The following MORN1 variants were observed in gnomAD, a reference collection of about 807,000 sequenced individuals.
The protein encoded by MORN1 is MORN repeat containing 1.
In MORN1, 67 loss-of-function variants were observed where a neutral mutation model predicts 61.9. The observed-to-expected ratio is 1.08, with a 90% CI of 0.89 to 1.33. MORN1 has a LOEUF of 1.33. MORN1 is among the 40% of genes most tolerant of loss of function. MORN1 has a pLI of 0.00. For synonymous variants in MORN1, 301 were observed against 292.0 expected (o/e 1.03, Z -0.31); for missense variants, 752 against 691.2 (o/e 1.09, Z -0.99).
At chr1:2,374,891 T>C (rs1028866372) in intron 6 of MORN1, 9 of 256,766 alleles carry the variant, frequency 3.5e-5, no homozygotes, top group Middle Eastern at 1.3e-3. Flanking sequence ...TACAAAGATA[T>C]TGTGTTTGTG....
chr1:2,348,700 C>T (rs35941092), intron 10 of MORN1, among the ~76,000 whole-genome samples: 38,819 of 119,926 alleles, frequency 0.32, 5,977 homozygotes, highest in South Asian at 0.45. Context: ...CACACACGCA[C>T]GCACACGCAC....
intron 10 of MORN1, among the ~76,000 whole-genome samples, chr1:2,347,909 G>A (rs1422851309): frequency 1.3e-5 from 2 of 152,232 alleles, no homozygotes; most frequent in East Asian, 1.9e-4. Context: ...AAAGTCCGCT[G>A]CTGAATTTGC....
rs1180631626 is a variant in MORN1 at position 2,337,416 on chromosome 1, TG to T, written c.1037-567del. On this transcript the variant is annotated intron_variant, in intron 10 of 13. Transcript: ENST00000378531. The surrounding 1 kb of genome is among the most constrained non-coding windows in gnomAD (Gnocchi z 5.7). ...GGTCCTCGGGCATCAGAGGCGGGTGTGGGCGGGCTCAGCCTGTGCATCCCTC... is the reference window on the plus strand; with the variant it reads ...GGTCCTCGGGCATCAGAGGCGGGTGTGGCGGGCTCAGCCTGTGCATCCCTC... 6.6e-6 allele frequency among the ~76,000 whole-genome samples: 1 copy of T among 151,998 alleles called. No homozygotes were observed. Among genetic ancestry groups the T allele is most frequent in the African/African-American group, 2.4e-5 (1 of 41,390 alleles).
chr1:2,350,324 C>T (rs1444739333), intron 10 of MORN1: 2 of 152,164 alleles, frequency 1.3e-5, no homozygotes, highest in Non-Finnish European at 2.9e-5. Flanking sequence ...AACAACTAAA[C>T]AACTGAAATA....
At chr1:2,351,934 G>T in intron 10 of MORN1, 1 of 519,708 alleles carries the variant, frequency 1.9e-6, no homozygotes. Flanking sequence ...CCACCCACGG[G>T]CCCACCAATT....
At chr1:2,325,172 T>TCCTTCCTTCCCTCCCTTCCTTCCCTC (rs1640993180) in intron 12 of MORN1, among the ~76,000 whole-genome samples, 1 of 13,670 alleles carries the variant, frequency 7.3e-5, no homozygotes, top group Non-Finnish European at 1.3e-4. Context: ...TTCCTTCCTT[T>TCCTTCCTTCCCTCCCTTCCTTCCCTC]CCTTCCTTCC....
intron 4 of MORN1, 163 bp downstream of exon 4, chr1:2,387,256 A>G (rs1167626809): frequency 1.5e-5 from 10 of 649,262 alleles, no homozygotes; most frequent in Admixed American, 1.2e-4. Flanking sequence ...GGCATAGGAC[A>G]TGGCCTGGTG....
chr1:2,370,737 G>A (rs2100333922), intron 8 of MORN1, among the ~76,000 whole-genome samples: 1 of 149,970 alleles, frequency 6.7e-6, no homozygotes, highest in South Asian at 2.1e-4. Flanking sequence ...GTGTAGTGGT[G>A]CAGTCACGGG....
chr1:2,358,554 A>G (rs757966873), intron 9 of MORN1, 38 bp downstream of exon 9: 1 of 1,612,616 alleles, frequency 6.2e-7, no homozygotes, highest in East Asian at 2.2e-5. Flanking sequence ...AACTCAAAAC[A>G]AACTCAGAAC....
rs373324170 is a variant in MORN1, at chr1:2,335,844, AGC to A, written c.1250+623_1250+624del. ...TCGCCTCCATAGCCCAGCCCAGCCC[AGC>A]GCGCAGCTGCCCCCAATTTGTAGAC... On this transcript the variant is annotated intron_variant, in intron 12 of 13. Coordinates refer to ENST00000378531, the MANE Select transcript of MORN1 (RefSeq NM_024848.3). Among the ~76,000 whole-genome samples, 279 of 147,114 alleles carry A rather than the reference AGC, an allele frequency of 1.9e-3. 6 individuals are homozygous for A. The highest frequency in any genetic ancestry group is 7.4e-3 in the African/African-American group (272 of 36,708).
At position 2,387,413 on chromosome 1, in the gene MORN1, C is replaced by A. The variant is rs751552828; in HGVS notation, c.358+6G>T. 1.2e-6 allele frequency: 2 copies of A among 1,610,660 alleles called. No individual in the cohort carries two copies. The highest frequency in any genetic ancestry group is 1.7e-6 in the Non-Finnish European group (2 of 1,178,056). On this transcript the variant is annotated splice_donor_region_variant and intron_variant, in intron 4 of 13. Coordinates refer to ENST00000378531, the MANE Select transcript of MORN1 (RefSeq NM_024848.3). ...TCACAGCACCCGGCTCCTGTGGGCG[C>A]CAGACCTTCCCGCATGCCGTGGGAG...
intron 10 of MORN1, among the ~76,000 whole-genome samples, chr1:2,339,194 G>T (rs1015233384): frequency 6.6e-6 from 1 of 152,150 alleles, no homozygotes; most frequent in African/African-American, 2.4e-5. Context: ...CCCAGCCTTG[G>T]CCTCAGAGGA....
intron 1 of MORN1, among the ~76,000 whole-genome samples, chr1:2,390,917 G>T (rs939144104): frequency 6.6e-6 from 1 of 152,038 alleles, no homozygotes; most frequent in Non-Finnish European, 1.5e-5. Context: ...GCCAATTTTT[G>T]TATTTTTTAG....
At chr1:2,355,030 G>T (rs1472158663) in intron 10 of MORN1, 2 of 341,586 alleles carry the variant, frequency 5.9e-6, no homozygotes, top group South Asian at 1.1e-4. Flanking sequence ...AGAGTCGGGG[G>T]AGGCCCCCCA....
intron 6 of MORN1, chr1:2,379,308 T>C (rs1642319241): frequency 5.3e-6 from 2 of 375,380 alleles, no homozygotes; most frequent in East Asian, 7.4e-5. Context: ...GACTTACCAC[T>C]TTCTAGTCTT....
chr1:2,328,650 C>T (rs537629576), intron 12 of MORN1, among the ~76,000 whole-genome samples: 64 of 152,334 alleles, frequency 4.2e-4, no homozygotes, highest in Non-Finnish European at 6.8e-4. Flanking sequence ...GGCCCTTGGC[C>T]GCAGATCTGG....
intron 7 of MORN1, among the ~76,000 whole-genome samples, chr1:2,373,167 A>G (rs942733024): frequency 4.6e-5 from 7 of 151,338 alleles, no homozygotes; most frequent in African/African-American, 1.5e-4. Flanking sequence ...ACTCTCCCCT[A>G]TGGATTGGCC....
rs1298059753 is a variant in MORN1, at chr1:2,331,935, GTGCGCCTCTCCCGCCCC to G, written c.1250+4517_1250+4533del. On this transcript the variant is annotated intron_variant, in intron 12 of 13. Transcript: ENST00000378531. ...TCTCCCGCCCCTGCGCCTCTCCCTC[GTGCGCCTCTCCCGCCCC>G]TGCGCCTCTCCCTCGTGCGCCTCTC... Among the ~76,000 whole-genome samples, 29 of 91,320 alleles carry G rather than the reference GTGCGCCTCTCCCGCCCC, an allele frequency of 3.2e-4. 2 individuals are homozygous for G. The highest frequency in any genetic ancestry group is 1.3e-3 in the African/African-American group (28 of 21,490). The allele number at this position is 91,320 out of a possible 152,430, so 59.9% of individuals were successfully genotyped here.
In MORN1 at chr1:2,323,254, C is replaced by T. The variant is rs534028349; in HGVS notation, c.1297+843G>A. 3.5e-3 allele frequency: 3,413 copies of T among 985,406 alleles called. 9 individuals are homozygous for T. Among genetic ancestry groups the T allele is most frequent in the Non-Finnish European group, 3.9e-3 (3,229 of 829,912 alleles). 61.0% of individuals were successfully genotyped at this position (985,406 alleles called of 1,614,324 possible). A position where few individuals can be genotyped will look rare whatever the true frequency, so the allele number is the denominator to read the frequency against. ...CTCACTGGCTACAGCCCCGGCCACA[C>T]GGGTGCCGTCCCCACGACCAGGGTG... is the stretch of plus-strand genomic sequence containing the variant. On this transcript the variant is annotated intron_variant, in intron 13 of 13. Coordinates refer to ENST00000378531, the MANE Select transcript of MORN1 (RefSeq NM_024848.3).
Sources: allele counts gnomAD v4.1 joint callset (sites outside exome capture counted in the v4.1 genomes callset), GRCh38; gene constraint gnomAD v4.1.1; non-coding constraint Gnocchi (gnomAD v3.1); transcripts MANE v1.5; gene names NCBI Gene and HGNC (gene_info 2026-07-23, HGNC 2026-07-21).